NCAPG2: variants seen among roughly 807,000 people sequenced by gnomAD.
NCAPG2 encodes condensin-2 complex subunit G2.
In NCAPG2, 53 loss-of-function variants were observed where a neutral mutation model predicts 141.1. The observed-to-expected ratio is 0.38, with a 90% CI of 0.30 to 0.47. The LOEUF (loss-of-function observed/expected upper bound fraction) is 0.47, where lower values mean the gene tolerates loss of function less well. Ranked by LOEUF, NCAPG2 falls within the 20% of genes least tolerant of loss-of-function variation. The pLI, the probability that NCAPG2 is intolerant of heterozygous loss-of-function variation, is 0.99. For synonymous variants in NCAPG2, 499 were observed against 490.7 expected, an observed-to-expected ratio of 1.02 and a Z score of -0.22; for missense variants, 1,087 against 1,389.0, an observed-to-expected ratio of 0.78 and a Z score of 3.46.
chr7:158,669,611 A>AC (rs1365582012), intron 13 of NCAPG2, among the ~76,000 whole-genome samples: 1 of 151,712 alleles, frequency 6.6e-6, no homozygotes, highest in Non-Finnish European at 1.5e-5. Context: ...AAAATTTAAA[A>AC]AAAAAAAATT....
intron 7 of NCAPG2, among the ~76,000 whole-genome samples, chr7:158,686,490 A>G (rs1050740680): frequency 3.3e-5 from 5 of 152,186 alleles, no homozygotes; most frequent in Non-Finnish European, 5.9e-5. Context: ...AAACTTTACT[A>G]TTTTCTGTGA....
intron 13 of NCAPG2, among the ~76,000 whole-genome samples, chr7:158,666,938 G>A (rs987301975): frequency 1.3e-5 from 2 of 152,014 alleles, no homozygotes; most frequent in African/African-American, 4.8e-5. Context: ...CCCTCCACTG[G>A]GCCAGCACAC....
rs1425334111 is a variant in NCAPG2, at chr7:158,668,128, C to T, written c.1480-3378G>A. On this transcript the variant is annotated intron_variant, in intron 13 of 27. Coordinates refer to ENST00000356309, the MANE Select transcript of NCAPG2 (RefSeq NM_017760.7). ...TTACCCACTACTGGGTCCCTCCGCC[C>T]TCCTTACCTACCCTCTGGCCCTCCA... 3 of 105,966 alleles carry T rather than the reference C, an allele frequency of 2.8e-5. 1 individual carries two copies. The highest frequency in any genetic ancestry group is 1.3e-4 in the African/African-American group (3 of 23,852). 6.6% of individuals were successfully genotyped at this position (105,966 alleles called of 1,614,324 possible). A position where few individuals can be genotyped will look rare whatever the true frequency, so the allele number is the denominator to read the frequency against.
At chr7:158,672,311 TATATATATATATATATA>T (rs1487025553) in intron 12 of NCAPG2, among the ~76,000 whole-genome samples, 18 of 41,180 alleles carry the variant, frequency 4.4e-4, no homozygotes, top group African/African-American at 1.1e-3. Context: ...TATATATATA[TATATATATATATATATA>T]TTTTTTTTTT....
At chr7:158,653,892 C>A (rs997155002) in intron 22 of NCAPG2, among the ~76,000 whole-genome samples, 10 of 152,114 alleles carry the variant, frequency 6.6e-5, no homozygotes, top group Admixed American at 3.3e-4. Flanking sequence ...CAGCAGTCAG[C>A]TACACCACAG....
chr7:158,687,721 C>G (rs1834861206), intron 6 of NCAPG2, among the ~76,000 whole-genome samples: 1 of 152,180 alleles, frequency 6.6e-6, no homozygotes, highest in Non-Finnish European at 1.5e-5. Context: ...AGACAGTAAC[C>G]ATGGGTCCAT....
At chr7:158,688,856 G>A (rs1193373755) in intron 6 of NCAPG2, among the ~76,000 whole-genome samples, 1 of 152,180 alleles carries the variant, frequency 6.6e-6, no homozygotes, top group Non-Finnish European at 1.5e-5. Flanking sequence ...CTCTGCCGCT[G>A]AGCAGCTGTG....
intron 24 of NCAPG2, among the ~76,000 whole-genome samples, chr7:158,647,148 T>C (rs949208332): frequency 2.6e-5 from 4 of 152,238 alleles, no homozygotes; most frequent in African/African-American, 9.6e-5. Flanking sequence ...TATCATCTAC[T>C]GTAAATAATG....
chr7:158,672,278 ATG>A (rs111749495), intron 12 of NCAPG2, among the ~76,000 whole-genome samples: 48 of 22,862 alleles, frequency 2.1e-3, no homozygotes, highest in African/African-American at 7.7e-3. Flanking sequence ...TTCCAAACAC[ATG>A]TGTGTGTGTG....
intron 13 of NCAPG2, among the ~76,000 whole-genome samples, chr7:158,669,768 C>CAAAAAAAAAAAAA (rs567875836): frequency 3.2e-4 from 17 of 53,682 alleles, no homozygotes; most frequent in South Asian, 1.1e-3. Flanking sequence ...GACTCTGTCT[C>CAAAAAAAAAAAAA]AAAAAAAAAA....
chr7:158,693,245 G>A, intron 3 of NCAPG2, 64 bp downstream of exon 3: 1 of 1,491,010 alleles, frequency 6.7e-7, no homozygotes, highest in East Asian at 2.3e-5. Context: ...ATGATACACA[G>A]TGAAGTTATT....
intron 16 of NCAPG2, among the ~76,000 whole-genome samples, chr7:158,660,144 G>A (rs139460432): frequency 7.2e-5 from 11 of 151,830 alleles, no homozygotes; most frequent in African/African-American, 2.4e-4. Flanking sequence ...CAAGTATACT[G>A]ATAATGATGG....
At chr7:158,683,431 C>G (rs751965708) in intron 8 of NCAPG2, 45 bp from the exon 9 acceptor site, 4 of 1,413,502 alleles carry the variant, frequency 2.8e-6, no homozygotes, top group Non-Finnish European at 3.9e-6. Context: ...TGTGTGTGTC[C>G]TACTGACGAC....
At chr7:158,637,578 C>CCGAGCCACACACAGGAGCCTGGGGGACT (rs1461010958) in intron 27 of NCAPG2, among the ~76,000 whole-genome samples, 2 of 151,930 alleles carry the variant, frequency 1.3e-5, no homozygotes, top group African/African-American at 2.4e-5. Flanking sequence ...AGCTCCGGCT[C>CCGAGCCACACACAGGAGCCTGGGGGACT]CAGCAGCTCC....
chr7:158,683,026 C>T (rs1834535838), intron 9 of NCAPG2, among the ~76,000 whole-genome samples: 1 of 151,994 alleles, frequency 6.6e-6, no homozygotes, highest in Non-Finnish European at 1.5e-5. Flanking sequence ...TGATAGTGGC[C>T]ATTAGAAACC....
At chr7:158,666,928 C>G (rs1329110818) in intron 13 of NCAPG2, among the ~76,000 whole-genome samples, 6 of 152,084 alleles carry the variant, frequency 3.9e-5, no homozygotes, top group Non-Finnish European at 8.8e-5. Flanking sequence ...ATGTACAAGA[C>G]CCTCCACTGG....
intron 26 of NCAPG2, 82 bp from the exon 27 acceptor site, chr7:158,644,470 C>T (rs1830859979): frequency 2.5e-6 from 3 of 1,205,008 alleles, no homozygotes; most frequent in Non-Finnish European, 3.7e-6. Context: ...TGTGGTACAA[C>T]TTCCCTAAGC....
chr7:158,685,092 A>G (rs1014802609), intron 8 of NCAPG2, among the ~76,000 whole-genome samples: 1 of 152,222 alleles, frequency 6.6e-6, no homozygotes, highest in Admixed American at 6.5e-5. Context: ...TTTTATTCTC[A>G]GAGAAAAATA....
intron 13 of NCAPG2, chr7:158,667,140 C>G (rs1833026975): frequency 1.0e-6 from 1 of 985,332 alleles, no homozygotes; most frequent in African/African-American, 1.7e-5. Context: ...ACAAACCTTT[C>G]CAGACACCTC....
Sources: allele counts gnomAD v4.1 joint callset (sites outside exome capture counted in the v4.1 genomes callset), GRCh38; gene constraint gnomAD v4.1.1; transcripts MANE v1.5; gene names NCBI Gene and HGNC (gene_info 2026-07-23, HGNC 2026-07-21).